MSANTD4: variants seen among roughly 807,000 people sequenced by gnomAD.
MSANTD4 encodes myb/SANT-like DNA-binding domain-containing protein 4.
Under a neutral mutation model 34.3 loss-of-function variants are expected in MSANTD4, and 13 were observed. The observed-to-expected ratio is 0.38, with a 90% confidence interval of 0.25 to 0.60. MSANTD4 has a LOEUF of 0.60. MSANTD4 is among the 20% of genes least tolerant of loss of function. The probability of loss-of-function intolerance (pLI) is 0.63; values close to 1 mark genes in which losing one functional copy is unlikely to be tolerated. For missense variants in MSANTD4, 358 were observed against 401.8 expected, an observed-to-expected ratio of 0.89 and a Z score of 0.93; for synonymous variants, 137 against 145.2, an observed-to-expected ratio of 0.94 and a Z score of 0.41.
At chr11:106,013,476 G>T (rs1859757359) in intron 1 of MSANTD4, among the ~76,000 whole-genome samples, 1 of 152,168 alleles carries the variant, frequency 6.6e-6, no homozygotes. Flanking sequence ...CCACAACACA[G>T]CTAGTTAAAT....
intron 1 of MSANTD4, among the ~76,000 whole-genome samples, chr11:106,014,163 CTT>C (rs1859778540): frequency 6.6e-6 from 1 of 152,170 alleles, no homozygotes; most frequent in South Asian, 2.1e-4. Flanking sequence ...AAAAAAGAAA[CTT>C]AAGACTAAGC....
chr11:106,011,949 C>T (rs538781733), intron 1 of MSANTD4, among the ~76,000 whole-genome samples: 1 of 152,180 alleles, frequency 6.6e-6, no homozygotes, highest in East Asian at 1.9e-4. Context: ...CAAATTCAAA[C>T]TCATTTTAAG....
At chr11:106,012,140 T>G (rs918340471) in intron 1 of MSANTD4, among the ~76,000 whole-genome samples, 1 of 23,616 alleles carries the variant, frequency 4.2e-5, no homozygotes, top group African/African-American at 1.2e-4. Flanking sequence ...CAAAAAAAGA[T>G]AACCAAAAAA....
chr11:106,020,857 T>C (rs1041745940), intron 1 of MSANTD4, 105 bp downstream of exon 1: 6 of 152,234 alleles, frequency 3.9e-5, no homozygotes, highest in African/African-American at 1.4e-4. Context: ...CTTGGCTTAA[T>C]TGTGTGAAAA....
In MSANTD4 at chr11:106,021,812, A is replaced by T. The variant is rs1290119636; in HGVS notation, c.-1001T>A. ...AGTTAGACTGGGCTCCCGGAAGGCC[A>T]CCCAGGGGAGCAGGGGCGCGCACCT... On this transcript the variant is annotated 5_prime_UTR_variant, in exon 1 of 3. Transcript: ENST00000301919. 6.6e-6 allele frequency: 1 copy of T among 151,982 alleles called. No individual in the cohort carries two copies. The highest frequency in any genetic ancestry group is 1.5e-5 in the Non-Finnish European group (1 of 68,080). The allele number at this position is 151,982 out of a possible 1,614,324, so 9.4% of individuals were successfully genotyped here. A position where few individuals can be genotyped will look rare whatever the true frequency, so the allele number is the denominator to read the frequency against.
chr11:106,011,850 G>A (rs1207473088), intron 1 of MSANTD4, among the ~76,000 whole-genome samples: 2 of 152,166 alleles, frequency 1.3e-5, no homozygotes, highest in Admixed American at 6.5e-5. Context: ...CTGAAAGGCT[G>A]AGCTGCAAAA....
chr11:106,010,148 T>C (rs775377339), intron 2 of MSANTD4, 38 bp from the exon 3 acceptor site: 22 of 1,488,380 alleles, frequency 1.5e-5, no homozygotes, highest in Non-Finnish European at 2.0e-5. Flanking sequence ...AGTATTGACT[T>C]CTACTTTGTG....
In MSANTD4 at chr11:106,009,273, C is replaced by T. The variant is rs891396877; in HGVS notation, c.*262G>A. 31 of 323,250 alleles carry T rather than the reference C, an allele frequency of 9.6e-5. No homozygotes were observed. The highest frequency in any genetic ancestry group is 1.7e-4 in the Non-Finnish European group (30 of 177,862). The allele number at this position is 323,250 out of a possible 1,614,324, so 20.0% of individuals were successfully genotyped here. On this transcript the variant is annotated 3_prime_UTR_variant, in exon 3 of 3. Coordinates refer to ENST00000301919, the MANE Select transcript of MSANTD4 (RefSeq NM_032424.3). ...AATTTTATATGGACATAATTGTAAA[C>T]TCTGGGTACACAGACAATACAAGAC... is the stretch of plus-strand genomic sequence containing the variant.
At chr11:106,011,280 C>T (rs1764613294) in intron 1 of MSANTD4, among the ~76,000 whole-genome samples, 1 of 152,196 alleles carries the variant, frequency 6.6e-6, no homozygotes, top group South Asian at 2.1e-4. Flanking sequence ...CCAGTTGCCA[C>T]TATTCATTCC....
At chr11:106,017,073 T>C (rs1859872606) in intron 1 of MSANTD4, among the ~76,000 whole-genome samples, 1 of 152,260 alleles carries the variant, frequency 6.6e-6, no homozygotes, top group Non-Finnish European at 1.5e-5. Flanking sequence ...ATGGTAAAAA[T>C]AGAAATATTT....
intron 1 of MSANTD4, 43 bp from the exon 2 acceptor site, chr11:106,011,110 C>G: frequency 1.1e-6 from 1 of 903,274 alleles, no homozygotes. Context: ...TCTGCAACTT[C>G]TACAACATAC....
intron 1 of MSANTD4, among the ~76,000 whole-genome samples, chr11:106,013,348 A>C (rs1388993998): frequency 1.3e-5 from 2 of 152,196 alleles, no homozygotes; most frequent in Non-Finnish European, 2.9e-5. Flanking sequence ...TCAATATGAA[A>C]AAAAGTATCA....
chr11:106,017,949 A>C (rs1200423949), intron 1 of MSANTD4, among the ~76,000 whole-genome samples: 1 of 152,216 alleles, frequency 6.6e-6, no homozygotes, highest in African/African-American at 2.4e-5. Context: ...CCCCATTAAA[A>C]TGCAGACTCT....
intron 1 of MSANTD4, among the ~76,000 whole-genome samples, chr11:106,015,206 T>C (rs1037799968): frequency 6.6e-6 from 1 of 152,204 alleles, no homozygotes; most frequent in Non-Finnish European, 1.5e-5. Flanking sequence ...GTAGTAGTTA[T>C]GAGCACAGAT....
At chr11:106,019,904 A>G (rs945734757) in intron 1 of MSANTD4, among the ~76,000 whole-genome samples, 1 of 152,212 alleles carries the variant, frequency 6.6e-6, no homozygotes. Flanking sequence ...GAATTACTTA[A>G]CCTCTTAAAC....
chr11:106,019,096 C>A (rs1251015730), intron 1 of MSANTD4, among the ~76,000 whole-genome samples: 1 of 152,102 alleles, frequency 6.6e-6, no homozygotes, highest in Non-Finnish European at 1.5e-5. Context: ...TGAACCCTAC[C>A]TTTACACTTT....
At chr11:106,017,612 C>G (rs1212901410) in intron 1 of MSANTD4, among the ~76,000 whole-genome samples, 1 of 152,064 alleles carries the variant, frequency 6.6e-6, no homozygotes, top group South Asian at 2.1e-4. Context: ...TCTTGAAATT[C>G]TTTCCAGAAA....
chr11:106,011,175 T>A, intron 1 of MSANTD4, 108 bp from the exon 2 acceptor site: 1 of 478,922 alleles, frequency 2.1e-6, no homozygotes, highest in Non-Finnish European at 3.5e-6. Context: ...ACCCTCTAAA[T>A]ATAGCTTAAA....
Position 106,009,359 on chromosome 11 carries a change from C to G in MSANTD4, c.*176G>C, listed in dbSNP as rs544091671. The G allele has an allele frequency of 1.6e-6, 1 of 612,194 alleles. No homozygotes were observed. The highest frequency in any genetic ancestry group is 2.8e-5 in the East Asian group (1 of 36,222). The allele number at this position is 612,194 out of a possible 1,614,324, so 37.9% of individuals were successfully genotyped here. ...GTAAGTTTCTGCTATACTGTTTACG[C>G]TAGGGCACAGCTTTTATATACTACT... On this transcript the variant is annotated 3_prime_UTR_variant, in exon 3 of 3. Transcript: ENST00000301919.
Sources: gnomAD v4.1 joint callset for allele counts (sites outside exome capture counted in the v4.1 genomes callset) on GRCh38, gnomAD v4.1.1 for gene constraint, MANE v1.5 for transcripts, NCBI Gene and HGNC (gene_info 2026-07-23, HGNC 2026-07-21) for gene names.